The following MYOCD variants were observed in gnomAD, a reference collection of about 807,000 sequenced individuals.
MYOCD encodes the protein myocardin.
A neutral mutation model predicts 96.1 loss-of-function variants in MYOCD; 32 were observed. The ratio of observed to expected loss-of-function variants is 0.33; its 90% CI spans 0.25 to 0.45. MYOCD has a LOEUF of 0.45. Ranked by LOEUF, MYOCD falls within the 20% of genes least tolerant of loss-of-function variation. The probability of loss-of-function intolerance (pLI) is 1.00; values close to 1 mark genes in which losing one functional copy is unlikely to be tolerated. For synonymous variants in MYOCD, 469 were observed against 469.0 expected (o/e 1.00, Z 0.00); for missense variants, 1,133 against 1,200.6 (o/e 0.94, Z 0.83).
In MYOCD at chr17:12,756,508, A is replaced by G. The variant is rs1226125216; in HGVS notation, c.2153A>G (p.His718Arg). The change falls in exon 11 of 14, where the codon CAT becomes CGT. Residue 718 changes from histidine (H) to arginine (R), a missense_variant. Transcript: ENST00000425538. The stretch of plus-strand genomic sequence containing the variant: ...TCTGGAGCCCAAGCAGACAGCAGTC[A>G]TGGTGCCGGGGGAAACCCTTGTCCC... ...PFSGAQADSSHGAGGNPCPKS... is the reference protein window; with the variant it reads ...PFSGAQADSSRGAGGNPCPKS... 7.1e-6 allele frequency: 11 copies of G among 1,551,826 alleles called. No homozygotes were observed. Among genetic ancestry groups the G allele is most frequent in the South Asian group, 1.2e-5 (1 of 84,052 alleles).
rs1490398247 is a variant in MYOCD at position 12,746,001 on chromosome 17, A to G, written c.1054A>G (p.Ser352Gly). 1.2e-6 allele frequency: 2 copies of G among 1,614,226 alleles called. No homozygotes were observed. Among genetic ancestry groups the G allele is most frequent in the Admixed American group, 1.7e-5 (1 of 60,026 alleles). The change falls in exon 9 of 14, where the codon AGT (serine) becomes GGT (glycine). Residue 352 changes from serine (S) to glycine (G), a missense_variant. By Grantham distance (56) the Ser-to-Gly change is moderately conservative. Coordinates refer to ENST00000425538, the MANE Select transcript of MYOCD (RefSeq NM_001146312.3). ...SNTPLSPVKN[S>G]FSGQTGVSSF... ...TACCCCCTTGTCTCCTGTCAAAAACAGTTTTTCTGGACAAACTGGTGTCTC... is the reference window on the plus strand; with the variant it reads ...TACCCCCTTGTCTCCTGTCAAAAACGGTTTTTCTGGACAAACTGGTGTCTC...
intron 5 of MYOCD, among the ~76,000 whole-genome samples, chr17:12,735,217 T>C (rs1248077467): frequency 6.6e-6 from 1 of 152,242 alleles, no homozygotes; most frequent in Non-Finnish European, 1.5e-5. Flanking sequence ...GAAAACTTCC[T>C]GATAATACCT....
intron 2 of MYOCD, chr17:12,705,838 C>T (rs930777395): frequency 6.6e-6 from 1 of 152,166 alleles, no homozygotes; most frequent in Non-Finnish European, 1.5e-5. Context: ...GTCATAGATT[C>T]TAACTTCCTC....
chr17:12,734,199 A>C (rs889262948), intron 5 of MYOCD, among the ~76,000 whole-genome samples: 1 of 152,148 alleles, frequency 6.6e-6, no homozygotes, highest in Non-Finnish European at 1.5e-5. Context: ...AGTCTTTGTC[A>C]TGAGAAGTAT....
At chr17:12,730,977 G>A (rs1281520154) in intron 5 of MYOCD, among the ~76,000 whole-genome samples, 2 of 152,232 alleles carry the variant, frequency 1.3e-5, no homozygotes, top group African/African-American at 2.4e-5. Flanking sequence ...ACTTCCAAGA[G>A]GGAGAGGAGA....
intron 1 of MYOCD, among the ~76,000 whole-genome samples, chr17:12,694,498 C>G (rs2030641023): frequency 6.6e-6 from 1 of 152,162 alleles, no homozygotes; most frequent in Admixed American, 6.5e-5. Context: ...CTGAGATCAT[C>G]CAGGACTTAG....
chr17:12,686,651 T>C (rs151028749), intron 1 of MYOCD, among the ~76,000 whole-genome samples: 9 of 152,318 alleles, frequency 5.9e-5, no homozygotes, highest in Non-Finnish European at 1.3e-4. Context: ...AGCAGCATCA[T>C]GGGTCTGATG....
At chr17:12,691,046 G>T (rs1451040098) in intron 1 of MYOCD, among the ~76,000 whole-genome samples, 1 of 152,124 alleles carries the variant, frequency 6.6e-6, no homozygotes, top group African/African-American at 2.4e-5. Context: ...TAGCTCTATT[G>T]TTGCACATTC....
At chr17:12,701,266 G>A (rs1181401306) in intron 1 of MYOCD, among the ~76,000 whole-genome samples, 12 of 152,052 alleles carry the variant, frequency 7.9e-5, no homozygotes, top group Admixed American at 7.9e-4. Flanking sequence ...ACAAAAATTA[G>A]CCTGGCATGG....
intron 1 of MYOCD, among the ~76,000 whole-genome samples, chr17:12,674,498 AT>A (rs1230016777): frequency 6.6e-6 from 1 of 152,200 alleles, no homozygotes; most frequent in Non-Finnish European, 1.5e-5. Context: ...AAATTAAGAA[AT>A]TTTTGAAAGG....
At chr17:12,728,195 C>A (rs1229718053) in intron 5 of MYOCD, among the ~76,000 whole-genome samples, 2 of 152,132 alleles carry the variant, frequency 1.3e-5, no homozygotes, top group African/African-American at 2.4e-5. Flanking sequence ...AAATATCCCT[C>A]TGTGTTGAGA....
intron 2 of MYOCD, chr17:12,705,439 G>A (rs1246473063): frequency 2.9e-5 from 11 of 384,496 alleles, no homozygotes; most frequent in Admixed American, 8.9e-5. Context: ...TTTGTTCTCA[G>A]GGTAAACACA....
At chr17:12,747,274 G>T (rs1251857828) in intron 9 of MYOCD, among the ~76,000 whole-genome samples, 1 of 152,182 alleles carries the variant, frequency 6.6e-6, no homozygotes, top group Non-Finnish European at 1.5e-5. Flanking sequence ...TGGAAAGAGA[G>T]AGATGGGCAG....
At chr17:12,688,474 T>TCTTC (rs796349030) in intron 1 of MYOCD, among the ~76,000 whole-genome samples, 16 of 149,798 alleles carry the variant, frequency 1.1e-4, no homozygotes, top group African/African-American at 2.5e-4. Context: ...CCTTCCATCT[T>TCTTC]CTTCCTTCCT....
At chr17:12,696,423 GA>G (rs2030755903) in intron 1 of MYOCD, among the ~76,000 whole-genome samples, 1 of 152,124 alleles carries the variant, frequency 6.6e-6, no homozygotes, top group Non-Finnish European at 1.5e-5. Context: ...CAATTCTTTT[GA>G]GTATATACCC....
intron 2 of MYOCD, among the ~76,000 whole-genome samples, chr17:12,707,792 C>T (rs953827002): frequency 7.2e-5 from 11 of 152,248 alleles, no homozygotes; most frequent in African/African-American, 2.6e-4. Flanking sequence ...CATTACCTTA[C>T]ACAAGAAGAC....
At chr17:12,705,777 A>G (rs2031266657) in intron 2 of MYOCD, 1 of 152,242 alleles carries the variant, frequency 6.6e-6, no homozygotes, top group African/African-American at 2.4e-5. Context: ...ATCTGTAGAA[A>G]TAGAGAAAAG....
intron 7 of MYOCD, 91 bp downstream of exon 7, chr17:12,739,419 C>G (rs888425496): frequency 1.4e-6 from 2 of 1,410,252 alleles, no homozygotes; most frequent in Non-Finnish European, 9.3e-7. Context: ...TCTGACAACA[C>G]GAGGAGAGTT....
chr17:12,680,601 G>A (rs902646058), intron 1 of MYOCD, among the ~76,000 whole-genome samples: 4 of 152,200 alleles, frequency 2.6e-5, no homozygotes, highest in Admixed American at 1.3e-4. Context: ...CACCGGCCCC[G>A]GGCGTGTGTG....
Sources: allele counts gnomAD v4.1 joint callset (sites outside exome capture counted in the v4.1 genomes callset), GRCh38; gene constraint gnomAD v4.1.1; transcripts MANE v1.5; gene names NCBI Gene and HGNC (gene_info 2026-07-23, HGNC 2026-07-21).